The following ACTN2 variants were observed in gnomAD, a reference collection of about 807,000 sequenced individuals.
ACTN2 encodes alpha-actinin-2.
Under a neutral mutation model 113.8 loss-of-function variants are expected in ACTN2, and 39 were observed. The ratio of observed to expected loss-of-function variants is 0.34; its 90% CI spans 0.27 to 0.45. ACTN2 has a LOEUF of 0.45. Ranked by LOEUF, ACTN2 falls within the 20% of genes least tolerant of loss-of-function variation. The pLI is 1.00. For synonymous variants in ACTN2, 429 were observed against 444.1 expected, an observed-to-expected ratio of 0.97 and a Z score of 0.43; for missense variants, 992 against 1,177.9, an observed-to-expected ratio of 0.84 and a Z score of 2.31.
chr1:236,718,056 G>T, intron 2 of ACTN2, 84 bp downstream of exon 2: 2 of 1,105,158 alleles, frequency 1.8e-6, no homozygotes, highest in Admixed American at 2.0e-5. Flanking sequence ...TCAGAAGTTC[G>T]CTTTGAACTT....
intron 13 of ACTN2, 23 bp from the exon 14 acceptor site, chr1:236,749,101 G>A (rs929193535): frequency 1.1e-5 from 18 of 1,613,566 alleles, no homozygotes; most frequent in Non-Finnish European, 1.4e-5. Flanking sequence ...CTATGATAAT[G>A]CTTGCTTCTC....
intron 4 of ACTN2, among the ~76,000 whole-genome samples, chr1:236,725,443 C>T (rs946747755): frequency 8.6e-5 from 13 of 151,932 alleles, no homozygotes; most frequent in Non-Finnish European, 1.3e-4. Context: ...GCCTGGCCAA[C>T]GTGGCAAAAT....
intron 5 of ACTN2, 108 bp from the exon 6 acceptor site, chr1:236,727,570 G>A (rs190569196): frequency 2.4e-5 from 28 of 1,148,098 alleles, no homozygotes; most frequent in African/African-American, 2.1e-4. Context: ...GGGGCCCTCC[G>A]TGCATGAAGT....
intron 12 of ACTN2, among the ~76,000 whole-genome samples, chr1:236,745,072 G>A (rs1435925773): frequency 2.6e-5 from 4 of 152,136 alleles, no homozygotes; most frequent in Non-Finnish European, 4.4e-5. Flanking sequence ...ATGGGAAGGC[G>A]GCCTCACCCA....
intron 1 of ACTN2, among the ~76,000 whole-genome samples, chr1:236,696,072 C>T (rs1302314884): frequency 6.6e-6 from 1 of 151,874 alleles, no homozygotes; most frequent in Non-Finnish European, 1.5e-5. Flanking sequence ...TTTGGGAGGC[C>T]GAGGCAGGCA....
At chr1:236,741,061 TA>T (rs1659053829) in intron 10 of ACTN2, among the ~76,000 whole-genome samples, 1 of 152,082 alleles carries the variant, frequency 6.6e-6, no homozygotes, top group Admixed American at 6.5e-5. Flanking sequence ...TCCTTTTTTT[TA>T]AAAACATGGT....
rs1558249001 is a variant in ACTN2, at chr1:236,754,986, TTC to T, written c.1975-25_1975-24del. The T allele has an allele frequency of 1.2e-6, 2 of 1,613,852 alleles. No individual in the cohort carries two copies. Among genetic ancestry groups the T allele is most frequent in the Non-Finnish European group, 1.7e-6 (2 of 1,179,998 alleles). ...TCCCTTAGAGGGCACTTCACTCTGC[TTC>T]TCTCTCTGCTTGCTCACTCGCCCCC... On this transcript the variant is annotated intron_variant, in intron 16 of 20. Transcript: ENST00000366578. The surrounding 1 kb of genome is among the most constrained non-coding windows in gnomAD (Gnocchi z 4.9).
intron 1 of ACTN2, among the ~76,000 whole-genome samples, chr1:236,704,344 T>G (rs965926876): frequency 1.3e-5 from 2 of 152,282 alleles, no homozygotes; most frequent in South Asian, 4.1e-4. Flanking sequence ...TCCTCCCACT[T>G]TCCGCCACCC....
chr1:236,694,781 G>GAGGCC (rs1409491980), intron 1 of ACTN2, among the ~76,000 whole-genome samples: 5 of 152,152 alleles, frequency 3.3e-5, no homozygotes, highest in African/African-American at 1.2e-4. Flanking sequence ...CTGAGCTGTC[G>GAGGCC]AGGCCGGGTG....
At chr1:236,728,345 G>A (rs1206965066) in intron 6 of ACTN2, among the ~76,000 whole-genome samples, 4 of 151,838 alleles carry the variant, frequency 2.6e-5, no homozygotes, top group East Asian at 1.9e-4. Flanking sequence ...GGGTTTCACC[G>A]TGTCAGCCAG....
chr1:236,692,718 C>T (rs1051629694), intron 1 of ACTN2, among the ~76,000 whole-genome samples: 1 of 152,262 alleles, frequency 6.6e-6, no homozygotes, highest in Non-Finnish European at 1.5e-5. Context: ...TTTGGGACAC[C>T]GTGATGTGTC....
chr1:236,713,245 G>A (rs919036866), intron 1 of ACTN2, among the ~76,000 whole-genome samples: 2 of 130,980 alleles, frequency 1.5e-5, no homozygotes, highest in African/African-American at 5.6e-5. Flanking sequence ...TTTTTCTTTT[G>A]AGACGGAGTT....
intron 8 of ACTN2, chr1:236,736,805 T>C (rs1658891387): frequency 2.0e-5 from 13 of 646,598 alleles, no homozygotes; most frequent in African/African-American, 3.6e-5. Context: ...GATCTTGGTT[T>C]CCTGGACCCA....
At chr1:236,709,916 G>A (rs1657974986) in intron 1 of ACTN2, among the ~76,000 whole-genome samples, 1 of 152,098 alleles carries the variant, frequency 6.6e-6, no homozygotes, top group Non-Finnish European at 1.5e-5. Flanking sequence ...GAAAAAGCTA[G>A]TTAAAGAAGT....
chr1:236,744,389 C>T (rs1020653225), intron 11 of ACTN2, among the ~76,000 whole-genome samples: 2 of 152,182 alleles, frequency 1.3e-5, no homozygotes, highest in Non-Finnish European at 2.9e-5. Context: ...ACTCAGCATG[C>T]TCTCCTTTCC....
Position 236,755,114 on chromosome 1 carries a change from C to CAACATCGACAAGCTGGAGGGAG in ACTN2, c.2072_2093dup (p.Asp698GlufsTer19). On this transcript the variant is annotated frameshift_variant, in exon 17 of 21. Transcript: ENST00000366578. LOFTEE classifies it high-confidence loss of function. Reference sequence around the variant, plus strand: ...AGCACAACATCATCAACTATAAGAACAACATCGACAAGCTGGAGGGAGACC... The same window carrying CAACATCGACAAGCTGGAGGGAG: ...AGCACAACATCATCAACTATAAGAACAACATCGACAAGCTGGAGGGAGAACATCGACAAGCTGGAGGGAGACC... 1 of 1,614,120 alleles carries CAACATCGACAAGCTGGAGGGAG rather than the reference C, an allele frequency of 6.2e-7. No individual in the cohort carries two copies.
chr1:236,745,183 C>T (rs1318002512), intron 12 of ACTN2, among the ~76,000 whole-genome samples: 1 of 152,124 alleles, frequency 6.6e-6, no homozygotes, highest in Non-Finnish European at 1.5e-5. Flanking sequence ...GCCTGTAATC[C>T]CAGCACTTTG....
intron 12 of ACTN2, among the ~76,000 whole-genome samples, chr1:236,745,474 G>A (rs1659205572): frequency 6.6e-6 from 1 of 152,114 alleles, no homozygotes; most frequent in Admixed American, 6.5e-5. Context: ...AAAAAAGTGG[G>A]CACTGCCTCA....
At chr1:236,733,561 T>G (rs144492276) in intron 7 of ACTN2, among the ~76,000 whole-genome samples, 15 of 152,374 alleles carry the variant, frequency 9.8e-5, no homozygotes, top group South Asian at 8.3e-4. Context: ...TATTATTATC[T>G]TTACAGAATA....
Sources: allele counts gnomAD v4.1 joint callset (sites outside exome capture counted in the v4.1 genomes callset), GRCh38; gene constraint gnomAD v4.1.1; non-coding constraint Gnocchi (gnomAD v3.1); transcripts MANE v1.5; gene names NCBI Gene and HGNC (gene_info 2026-07-23, HGNC 2026-07-21).